ANKRD12: variants seen among roughly 807,000 people sequenced by gnomAD.
ANKRD12 encodes ankyrin repeat domain 12.
A neutral mutation model predicts 183.4 loss-of-function variants in ANKRD12; 85 were observed. The ratio of observed to expected loss-of-function variants is 0.46; its 90% CI spans 0.39 to 0.56. The LOEUF (loss-of-function observed/expected upper bound fraction) is 0.56, where lower values mean the gene tolerates loss of function less well. ANKRD12 is among the 20% of genes least tolerant of loss of function. The pLI is 0.00. For synonymous variants in ANKRD12, 914 were observed against 800.2 expected (o/e 1.14, Z -2.40); for missense variants, 2,405 against 2,357.1 (o/e 1.02, Z -0.42).
chr18:9,208,944 A>T (rs2035630232), intron 5 of ANKRD12, 141 bp downstream of exon 5: 1 of 845,566 alleles, frequency 1.2e-6, no homozygotes, highest in African/African-American at 1.8e-5. Flanking sequence ...GTCAGTGGTA[A>T]TTTTATGATT....
chr18:9,141,372 A>C (rs1417172282), intron 1 of ANKRD12, among the ~76,000 whole-genome samples: 1 of 152,230 alleles, frequency 6.6e-6, no homozygotes, highest in Non-Finnish European at 1.5e-5. Context: ...CTTTCATCAC[A>C]GTGACTGAAG....
chr18:9,184,352 A>G (rs2033901287), intron 2 of ANKRD12, among the ~76,000 whole-genome samples: 1 of 152,018 alleles, frequency 6.6e-6, no homozygotes, highest in Admixed American at 6.5e-5. Flanking sequence ...GGTTTCTGTC[A>G]GTCTTTTTTT....
chr18:9,270,698 A>T (rs1333795996), intron 10 of ANKRD12, among the ~76,000 whole-genome samples: 1 of 152,214 alleles, frequency 6.6e-6, no homozygotes, highest in African/African-American at 2.4e-5. Flanking sequence ...GCACACCAGC[A>T]TGGCACATGT....
At chr18:9,239,596 C>A in intron 8 of ANKRD12, 1 of 1,125,384 alleles carries the variant, frequency 8.9e-7, no homozygotes, top group Non-Finnish European at 1.2e-6. Flanking sequence ...CTGAAAAAGA[C>A]TGATGAAAAT....
intron 1 of ANKRD12, among the ~76,000 whole-genome samples, chr18:9,144,895 T>C (rs570610493): frequency 7.2e-5 from 11 of 152,250 alleles, no homozygotes; most frequent in African/African-American, 2.4e-4. Flanking sequence ...ATGTAATACA[T>C]ACATTATGTA....
chr18:9,153,857 C>T (rs187224562), intron 1 of ANKRD12, among the ~76,000 whole-genome samples: 17 of 152,166 alleles, frequency 1.1e-4, no homozygotes, highest in African/African-American at 3.1e-4. Flanking sequence ...CTCACTAATT[C>T]ATTCTTTGGC....
In ANKRD12 at chr18:9,281,276, A is replaced by G. The variant is rs1199616459; in HGVS notation, c.*150A>G. On this transcript the variant is annotated 3_prime_UTR_variant, in exon 13 of 13. Transcript: ENST00000262126. ...GTTATGTAGTAAACACTGTCATTTT[A>G]TAAAAAATGAGAATTATTTTGGATC... The G allele has an allele frequency of 1.8e-6, 1 of 558,574 alleles. No homozygotes were observed. Among genetic ancestry groups the G allele is most frequent in the Non-Finnish European group, 3.0e-6 (1 of 331,436 alleles). The allele number at this position is 558,574 out of a possible 1,614,324, so 34.6% of individuals were successfully genotyped here. A position where few individuals can be genotyped will look rare whatever the true frequency, so the allele number is the denominator to read the frequency against.
chr18:9,265,635 C>A (rs1022532895), intron 10 of ANKRD12, among the ~76,000 whole-genome samples: 3 of 152,086 alleles, frequency 2.0e-5, no homozygotes, highest in African/African-American at 4.8e-5. Flanking sequence ...TGTCACCCAT[C>A]ATCAAAGACC....
chr18:9,285,051 T>A lies in ANKRD12; in HGVS notation c.*3925T>A, dbSNP rs1299438699. 1 of 151,656 alleles carries A rather than the reference T, an allele frequency of 6.6e-6. No homozygotes were observed. The highest frequency in any genetic ancestry group is 1.5e-5 in the Non-Finnish European group (1 of 67,988). 9.4% of individuals were successfully genotyped at this position (151,656 alleles called of 1,614,324 possible). A position where few individuals can be genotyped will look rare whatever the true frequency, so the allele number is the denominator to read the frequency against. On this transcript the variant is annotated 3_prime_UTR_variant, in exon 13 of 13. Transcript: ENST00000262126. The stretch of plus-strand genomic sequence containing the variant: ...GAAACCCCGTCTCTACTAAACAAAA[T>A]GCAAAAAATCAGCCGGGTGTGGCCG...
intron 1 of ANKRD12, among the ~76,000 whole-genome samples, chr18:9,168,102 C>T (rs769557765): frequency 2.6e-5 from 4 of 152,186 alleles, no homozygotes. Context: ...TCTTGATGTG[C>T]TGCTGGATTC....
chr18:9,164,988 T>A (rs1327413253), intron 1 of ANKRD12, among the ~76,000 whole-genome samples: 1 of 152,144 alleles, frequency 6.6e-6, no homozygotes, highest in African/African-American at 2.4e-5. Context: ...TCTAATATTG[T>A]CAGTGGGGTG....
At chr18:9,169,367 A>C (rs201074667) in intron 1 of ANKRD12, among the ~76,000 whole-genome samples, 2 of 152,150 alleles carry the variant, frequency 1.3e-5, no homozygotes, top group Non-Finnish European at 2.9e-5. Flanking sequence ...GTAGGTCACT[A>C]AGGACTTGCT....
Position 9,279,635 on chromosome 18 carries a change from CAAATT to C in ANKRD12, c.5998_6002del (p.Leu2000AspfsTer10), listed in dbSNP as rs1350597099. On this transcript the variant is annotated frameshift_variant, in exon 12 of 13. Transcript: ENST00000262126. LOFTEE classifies it high-confidence loss of function. ...TACAAGATGTGGATGATAAATTTGACAAATTAAAGGTATGTATGTTTGGAAGTCAG... is the reference window on the plus strand; with the variant it reads ...TACAAGATGTGGATGATAAATTTGACAAAGGTATGTATGTTTGGAAGTCAG... 1.3e-6 allele frequency: 2 copies of C among 1,572,722 alleles called. No homozygotes were observed. Among genetic ancestry groups the C allele is most frequent in the Non-Finnish European group, 1.7e-6 (2 of 1,156,700 alleles).
At chr18:9,138,978 G>T (rs144512164) in intron 1 of ANKRD12, among the ~76,000 whole-genome samples, 1 of 152,190 alleles carries the variant, frequency 6.6e-6, no homozygotes, top group South Asian at 2.1e-4. Context: ...TGAGTGTTAA[G>T]TGTACTTATG....
intron 9 of ANKRD12, among the ~76,000 whole-genome samples, chr18:9,263,528 A>G (rs1327605465): frequency 6.6e-6 from 1 of 152,170 alleles, no homozygotes; most frequent in Non-Finnish European, 1.5e-5. Context: ...ATGATCTAAA[A>G]TGTGTCTCGC....
chr18:9,172,031 A>AG (rs2032785835), intron 1 of ANKRD12, among the ~76,000 whole-genome samples: 2 of 151,624 alleles, frequency 1.3e-5, no homozygotes, highest in African/African-American at 4.8e-5. Flanking sequence ...ACCTCAAAAA[A>AG]AAAAAAAAAC....
intron 8 of ANKRD12, 30 bp from the exon 9 acceptor site, chr18:9,254,181 C>G (rs370793147): frequency 1.2e-5 from 18 of 1,454,646 alleles, no homozygotes; most frequent in Admixed American, 2.6e-5. Flanking sequence ...TTTGTTTGAC[C>G]CACACCACAT....
intron 8 of ANKRD12, chr18:9,235,576 A>T (rs2037298351): frequency 2.2e-6 from 1 of 455,176 alleles, no homozygotes; most frequent in Non-Finnish European, 4.4e-6. Flanking sequence ...TGATGAAAGA[A>T]TATACTGTAC....
At chr18:9,203,662 T>C (rs1443304102) in intron 3 of ANKRD12, among the ~76,000 whole-genome samples, 1 of 152,072 alleles carries the variant, frequency 6.6e-6, no homozygotes, top group Non-Finnish European at 1.5e-5. Context: ...TGGAGTACAA[T>C]GGCATGATCT....
Sources: allele counts gnomAD v4.1 joint callset (sites outside exome capture counted in the v4.1 genomes callset), GRCh38; gene constraint gnomAD v4.1.1; transcripts MANE v1.5; gene names NCBI Gene and HGNC (gene_info 2026-07-23, HGNC 2026-07-21).